The following BLMH variants were observed in gnomAD, a reference collection of about 807,000 sequenced individuals.
BLMH encodes bleomycin hydrolase, also known as BLM hydrolase.
BLMH carries 32 observed loss-of-function variants against 61.6 expected under a neutral mutation model. The ratio of observed to expected loss-of-function variants is 0.52; its 90% CI spans 0.39 to 0.70. The LOEUF (loss-of-function observed/expected upper bound fraction) is 0.70, where lower values mean the gene tolerates loss of function less well. BLMH is among the 30% of genes least tolerant of loss of function. BLMH has a pLI of 0.00. For missense variants in BLMH, 460 were observed against 555.5 expected (o/e 0.83, Z 1.73); for synonymous variants, 183 against 193.8 (o/e 0.94, Z 0.46).
intron 4 of BLMH, 96 bp downstream of exon 4, chr17:30,287,710 T>C: frequency 7.1e-7 from 1 of 1,416,856 alleles, no homozygotes; most frequent in South Asian, 1.3e-5. Context: ...AGACCAATTC[T>C]ACTCTGTACA....
intron 2 of BLMH, 105 bp downstream of exon 2, chr17:30,291,206 G>T: frequency 7.3e-7 from 1 of 1,369,876 alleles, no homozygotes; most frequent in Non-Finnish European, 1.0e-6. Context: ...ACGAATTTAC[G>T]ACCAGTTCTT....
rs1311547764 is a variant in BLMH at position 30,274,883 on chromosome 17, G to A, written c.646-686C>T. ...AGTCCCAGGTGCTCAAGAGGCTGAG[G>A]AGGGAGGATCGCTTGAGCCCAGGAG... On this transcript the variant is annotated intron_variant, in intron 6 of 11. Transcript: ENST00000261714. Among the ~76,000 whole-genome samples the A allele has an allele frequency of 2.0e-5, 3 of 152,194 alleles. No individual in the cohort carries two copies. The East Asian group carries it at 5.8e-4, about 29-fold the overall frequency.
At position 30,248,496 on chromosome 17, in the gene BLMH, C is replaced by T. The variant is rs992520715; in HGVS notation, c.*521G>A. 2.0e-5 allele frequency: 3 copies of T among 153,682 alleles called. No individual in the cohort carries two copies. The highest frequency in any genetic ancestry group is 7.2e-5 in the African/African-American group (3 of 41,410). The allele number at this position is 153,682 out of a possible 1,614,324, so 9.5% of individuals were successfully genotyped here. Reference sequence around the variant, plus strand: ...ATCTGATCAACCTCCCATTCTTGGGCTATTAGAGGCACAAGAAATTACCTT... The same window carrying T: ...ATCTGATCAACCTCCCATTCTTGGGTTATTAGAGGCACAAGAAATTACCTT... On this transcript the variant is annotated 3_prime_UTR_variant, in exon 12 of 12. Transcript: ENST00000261714.
intron 6 of BLMH, among the ~76,000 whole-genome samples, chr17:30,279,141 A>G (rs1440183053): frequency 1.3e-5 from 2 of 152,228 alleles, no homozygotes; most frequent in Non-Finnish European, 2.9e-5. Context: ...TCAAACGAAT[A>G]ATGATGTGAT....
chr17:30,266,952 A>T lies in BLMH; in HGVS notation c.1149T>A (p.Asp383Glu). 1 of 1,614,080 alleles carries T rather than the reference A, an allele frequency of 6.2e-7. No individual in the cohort carries two copies. The highest frequency in any genetic ancestry group is 8.5e-7 in the Non-Finnish European group (1 of 1,179,940). ...ATTTTGTGAAAGCACCATCCTGATC[A>T]TCCTGCAAAAAAGTGGATGATGGTG... ...AMTFTAVSEKDDQDGAFTKWR... is the reference protein window; with the variant it reads ...AMTFTAVSEKEDQDGAFTKWR... The change falls in exon 11 of 12, where the codon GAT becomes GAA. Residue 383 changes from aspartate (D) to glutamate (E), a missense_variant and splice_region_variant. Physicochemically the swap from Asp to Glu is conservative, Grantham distance 45. Transcript: ENST00000261714.
intron 11 of BLMH, among the ~76,000 whole-genome samples, chr17:30,255,134 T>G (rs2143019731): frequency 6.6e-6 from 1 of 152,330 alleles, no homozygotes; most frequent in South Asian, 2.1e-4. Flanking sequence ...TCATCTGCAT[T>G]AATGCACTGT....
At chr17:30,277,186 T>C (rs1269043517) in intron 6 of BLMH, among the ~76,000 whole-genome samples, 3 of 152,228 alleles carry the variant, frequency 2.0e-5, no homozygotes, top group African/African-American at 7.2e-5. Context: ...GAACATCTAG[T>C]CATTAAACCA....
intron 10 of BLMH, among the ~76,000 whole-genome samples, chr17:30,270,013 T>C (rs55707399): frequency 2.0e-5 from 3 of 152,222 alleles, no homozygotes; most frequent in Non-Finnish European, 4.4e-5. Context: ...AGTGAAGTAG[T>C]TGGAAGAGGT....
chr17:30,254,227 G>T (rs73987810), intron 11 of BLMH, among the ~76,000 whole-genome samples: 6 of 151,916 alleles, frequency 3.9e-5, no homozygotes, highest in African/African-American at 1.5e-4. Context: ...ATTATTTTTT[G>T]CCATTTTTAA....
chr17:30,288,578 C>T (rs1462867676), intron 3 of BLMH, among the ~76,000 whole-genome samples: 1 of 152,092 alleles, frequency 6.6e-6, no homozygotes, highest in Non-Finnish European at 1.5e-5. Context: ...AATTCCTGGG[C>T]TCAAGCAATC....
intron 6 of BLMH, among the ~76,000 whole-genome samples, chr17:30,281,079 T>C (rs1477842357): frequency 6.7e-6 from 1 of 149,454 alleles, no homozygotes. Context: ...TTTTTTTTTG[T>C]TGTTTCTTTG....
Position 30,291,781 on chromosome 17 carries a change from C to A in BLMH, c.13+26G>T, listed in dbSNP as rs946157120. ...GGACCGCGGAGCTCCTCCAGAGGAC[C>A]GCGGCGGGGGACGGCGGCACCTCAC... On this transcript the variant is annotated intron_variant, in intron 1 of 11. Coordinates refer to ENST00000261714, the MANE Select transcript of BLMH (RefSeq NM_000386.4). 1.8e-5 allele frequency: 25 copies of A among 1,402,912 alleles called. No individual in the cohort carries two copies. In the South Asian group the frequency reaches 4.0e-4, roughly 23 times the overall value. The allele number at this position is 1,402,912 out of a possible 1,614,324, so 86.9% of individuals were successfully genotyped here. A position where few individuals can be genotyped will look rare whatever the true frequency, so the allele number is the denominator to read the frequency against.
chr17:30,251,016 T>C (rs1028606949), intron 11 of BLMH, among the ~76,000 whole-genome samples: 2 of 152,202 alleles, frequency 1.3e-5, no homozygotes, highest in Admixed American at 6.5e-5. Context: ...TTCTCACTTA[T>C]ATAAGTTGGA....
At chr17:30,273,205 C>T (rs1045435763) in intron 7 of BLMH, 3 of 216,226 alleles carry the variant, frequency 1.4e-5, no homozygotes, top group East Asian at 1.1e-4. Flanking sequence ...CTCACTCTGT[C>T]GCCCAGGCTG....
rs1363921630 is a variant in BLMH, at chr17:30,271,380, T to A, written c.1037A>T (p.His346Leu). The A allele has an allele frequency of 1.2e-6, 2 of 1,611,816 alleles. No individual in the cohort carries two copies. Among genetic ancestry groups the A allele is most frequent in the Non-Finnish European group, 1.7e-6 (2 of 1,178,062 alleles). ...CAAGGAGACACCAAACACTAACTCA[T>A]GGTCATAGCTGTAAAAAGAATGATA... ...LGLSDMNLYDHELVFGVSLKN... is the reference protein window; with the variant it reads ...LGLSDMNLYDLELVFGVSLKN... Residue 346 changes from histidine to leucine, a missense_variant, in exon 10 of 12, where the codon CAT becomes CTT. Physicochemically the swap from His to Leu is moderately conservative, Grantham distance 99. Coordinates refer to ENST00000261714, the MANE Select transcript of BLMH (RefSeq NM_000386.4).
At chr17:30,273,986 T>C (rs1020242316) in intron 7 of BLMH, 56 bp downstream of exon 7, 2 of 1,590,158 alleles carry the variant, frequency 1.3e-6, no homozygotes, top group Non-Finnish European at 1.7e-6. Flanking sequence ...CAATTCCCTG[T>C]GGTTAACAGC....
At chr17:30,291,762 C>T in intron 1 of BLMH, 45 bp downstream of exon 1, 1 of 1,421,174 alleles carries the variant, frequency 7.0e-7, no homozygotes, top group Non-Finnish European at 9.2e-7. Flanking sequence ...ACGGGGACCG[C>T]GGAGCTCCTC....
intron 3 of BLMH, chr17:30,288,177 C>A: frequency 7.5e-6 from 3 of 399,576 alleles, no homozygotes; most frequent in Non-Finnish European, 9.0e-6. Flanking sequence ...GAAACAAGCA[C>A]CATAATAAGT....
At chr17:30,269,411 C>T (rs973672213) in intron 10 of BLMH, among the ~76,000 whole-genome samples, 1 of 151,944 alleles carries the variant, frequency 6.6e-6, no homozygotes, top group Non-Finnish European at 1.5e-5. Flanking sequence ...GAACTCCTGA[C>T]CTCAGGTGAT....
Sources: allele counts gnomAD v4.1 joint callset (sites outside exome capture counted in the v4.1 genomes callset), GRCh38; gene constraint gnomAD v4.1.1; transcripts MANE v1.5; gene names NCBI Gene and HGNC (gene_info 2026-07-23, HGNC 2026-07-21).